Variants in NEBL observed in about 807,000 individuals in gnomAD.
NEBL encodes LIM and SH3 protein 2.
NEBL carries 122 observed loss-of-function variants against 140.2 expected under a neutral mutation model. The observed-to-expected ratio is 0.87, with a 90% CI of 0.75 to 1.01. The LOEUF is 1.01. Ranked by LOEUF, NEBL falls within the 50% of genes least tolerant of loss-of-function variation. NEBL has a pLI of 0.00. For synonymous variants in NEBL, 436 were observed against 398.9 expected (o/e 1.09, Z -1.11); for missense variants, 1,365 against 1,231.3 (o/e 1.11, Z -1.62).
intron 26 of NEBL, among the ~76,000 whole-genome samples, chr10:20,796,834 T>TC (rs1169313171): frequency 1.3e-5 from 2 of 152,142 alleles, no homozygotes; most frequent in African/African-American, 4.8e-5. Context: ...AATAATTTCT[T>TC]CCCCAAATTA....
intron 2 of NEBL, among the ~76,000 whole-genome samples, chr10:21,060,944 T>G (rs2131877578): frequency 6.6e-6 from 1 of 152,302 alleles, no homozygotes; most frequent in East Asian, 1.9e-4. Flanking sequence ...TCTCTTACTG[T>G]CAGCCTTACT....
chr10:20,915,363 G>A (rs7920103), intron 4 of NEBL, among the ~76,000 whole-genome samples: 2 of 148,664 alleles, frequency 1.3e-5, no homozygotes, highest in African/African-American at 5.0e-5. Flanking sequence ...CACTAACTCA[G>A]CATCTAGCAT....
chr10:21,208,835 G>A (rs1416422475), intron 3 of NEBL, among the ~76,000 whole-genome samples: 2 of 152,124 alleles, frequency 1.3e-5, no homozygotes, highest in Non-Finnish European at 1.5e-5. Flanking sequence ...CAACAGCATG[G>A]CAGGGAAAAA....
Position 21,243,896 on chromosome 10 carries a change from GAGGA to G in NEBL, n.348+4021_348+4024del, listed in dbSNP as rs539759662. On this transcript the variant is annotated intron_variant and non_coding_transcript_variant, in intron 3 of 8. Transcript: ENST00000675702. ...GAGCAAAAAAAGAAAGAGAGAGAGA[GAGGA>G]AGGAAGGAAGGAAGGCGAAAGGGAA... Among the ~76,000 whole-genome samples, 30 of 148,550 alleles carry G rather than the reference GAGGA, an allele frequency of 2.0e-4. No homozygotes were observed. In the South Asian group the frequency reaches 5.4e-3, roughly 27 times the overall value.
intron 26 of NEBL, among the ~76,000 whole-genome samples, chr10:20,798,061 C>T (rs1836737057): frequency 6.6e-6 from 1 of 151,490 alleles, no homozygotes; most frequent in African/African-American, 2.4e-5. Flanking sequence ...AGGATTGTGC[C>T]CCTGCACTCC....
rs374489588 is a variant in NEBL at position 20,892,808 on chromosome 10, C to G, written c.154-2859G>C. ...ACATGGAGATGTTTGCGGATCTTTC[C>G]TTTCACAAGAATTCTTAACTGAAAG... On this transcript the variant is annotated intron_variant, in intron 2 of 27. Transcript: ENST00000377122. Among the ~76,000 whole-genome samples the G allele has an allele frequency of 5.3e-5, 8 of 152,198 alleles. No individual in the cohort carries two copies. The East Asian group carries it at 1.5e-3, about 29-fold the overall frequency.
At chr10:20,800,263 G>A (rs1836989088) in intron 26 of NEBL, among the ~76,000 whole-genome samples, 1 of 151,816 alleles carries the variant, frequency 6.6e-6, no homozygotes, top group African/African-American at 2.4e-5. Context: ...TTAGTATAAT[G>A]TCCTCTAGTT....
chr10:21,075,982 T>C (rs1174951988), intron 2 of NEBL, among the ~76,000 whole-genome samples: 1 of 152,076 alleles, frequency 6.6e-6, no homozygotes, highest in African/African-American at 2.4e-5. Flanking sequence ...CACAATGAGA[T>C]ACGACTGCAC....
chr10:21,159,215 C>A (rs185531845), intron 2 of NEBL, among the ~76,000 whole-genome samples: 3 of 152,186 alleles, frequency 2.0e-5, no homozygotes, highest in Admixed American at 2.0e-4. Flanking sequence ...CTTGAGCCAC[C>A]TTTTTTTCTT....
chr10:21,229,662 CTG>C (rs370686054), intron 3 of NEBL, among the ~76,000 whole-genome samples: 1 of 152,052 alleles, frequency 6.6e-6, no homozygotes, highest in Non-Finnish European at 1.5e-5. Context: ...CATTTCTATT[CTG>C]TATCTCTCAA....
At chr10:21,243,329 T>A (rs1434422227) in intron 3 of NEBL, among the ~76,000 whole-genome samples, 1 of 136,964 alleles carries the variant, frequency 7.3e-6, no homozygotes, top group East Asian at 2.1e-4. Flanking sequence ...TGAGTCAGGG[T>A]ACGGTTGCAT....
intron 7 of NEBL, among the ~76,000 whole-genome samples, chr10:20,861,263 C>T (rs1843670379): frequency 6.6e-6 from 1 of 152,124 alleles, no homozygotes; most frequent in Non-Finnish European, 1.5e-5. Context: ...CTGCAAGCTC[C>T]ACCTCCCAGG....
chr10:21,179,185 C>T (rs1031847708), upstream of NEBL, among the ~76,000 whole-genome samples: 6 of 152,256 alleles, frequency 3.9e-5, 1 homozygote, highest in African/African-American at 1.4e-4. Context: ...GCTCATGCAG[C>T]CTTAATCACA....
intron 3 of NEBL, among the ~76,000 whole-genome samples, chr10:21,206,924 A>G (rs1252995584): frequency 6.7e-6 from 1 of 149,248 alleles, no homozygotes; most frequent in East Asian, 2.0e-4. Flanking sequence ...AATGTTGGGG[A>G]TCCTATCTTA....
At chr10:20,870,734 TC>T (rs1283085534) in intron 5 of NEBL, among the ~76,000 whole-genome samples, 1 of 152,170 alleles carries the variant, frequency 6.6e-6, no homozygotes, top group African/African-American at 2.4e-5. Flanking sequence ...GACTTGAGCC[TC>T]CCAAAATAAA....
chr10:20,880,104 T>C (rs528321914), intron 5 of NEBL, among the ~76,000 whole-genome samples: 3 of 152,322 alleles, frequency 2.0e-5, no homozygotes, highest in African/African-American at 7.2e-5. Flanking sequence ...GGCTCGTGCC[T>C]GTAATCCCAG....
At chr10:20,830,657 G>C (rs538347191) in intron 16 of NEBL, among the ~76,000 whole-genome samples, 1 of 151,700 alleles carries the variant, frequency 6.6e-6, no homozygotes, top group Non-Finnish European at 1.5e-5. Context: ...ATTATGAAAT[G>C]GTTAAAAGAC....
In NEBL at chr10:21,174,056, TCGGCTC is replaced by T. The variant is rs545718319; in HGVS notation, c.-229_-224del. 1.7e-3 allele frequency: 1,858 copies of T among 1,114,128 alleles called. 20 individuals are homozygous for T. In the African/African-American group the frequency reaches 0.026, roughly 16 times the overall value. 69.0% of individuals were successfully genotyped at this position (1,114,128 alleles called of 1,614,324 possible). A position where few individuals can be genotyped will look rare whatever the true frequency, so the allele number is the denominator to read the frequency against. On this transcript the variant is annotated 5_prime_UTR_variant, in exon 1 of 7. Transcript: ENST00000417816. Reference sequence around the variant, plus strand: ...CTCTCGGGCTCGCAGGCGCTGGGTCTCGGCTCCGGCTCCGGCTCCGCGCCGCTGGCT... The same window carrying T: ...CTCTCGGGCTCGCAGGCGCTGGGTCTCGGCTCCGGCTCCGCGCCGCTGGCT...
At chr10:20,787,146 G>T in intron 27 of NEBL, 56 bp downstream of exon 27, 1 of 1,282,030 alleles carries the variant, frequency 7.8e-7, no homozygotes, top group Non-Finnish European at 1.1e-6. Context: ...GTATTTACAT[G>T]CTTGAGGGGA....
Sources: allele counts gnomAD v4.1 joint callset (sites outside exome capture counted in the v4.1 genomes callset), GRCh38; gene constraint gnomAD v4.1.1; transcripts MANE v1.5; gene names NCBI Gene and HGNC (gene_info 2026-07-23, HGNC 2026-07-21).